Variants in AK9 observed in about 807,000 individuals in gnomAD.
The protein encoded by AK9 is adenylate kinase domain containing 1.
AK9 carries 191 observed loss-of-function variants against 239.6 expected under a neutral mutation model. The observed-to-expected ratio is 0.80, with a 90% CI of 0.71 to 0.90. The LOEUF (loss-of-function observed/expected upper bound fraction) is 0.90, where lower values mean the gene tolerates loss of function less well. Among genes scored for constraint, AK9 ranks in the 40% least tolerant of loss-of-function variants. The pLI, the probability that AK9 is intolerant of heterozygous loss-of-function variation, is 0.00. For synonymous variants in AK9, 689 were observed against 721.0 expected, an observed-to-expected ratio of 0.96 and a Z score of 0.71; for missense variants, 1,995 against 2,214.7, an observed-to-expected ratio of 0.90 and a Z score of 1.99.
rs79014749 is a variant in AK9 at position 109,660,684 on chromosome 6, G to A, written c.445-1271C>T. Among the ~76,000 whole-genome samples, 174 of 152,238 alleles carry A rather than the reference G, an allele frequency of 1.1e-3. 1 individual carries two copies. The highest frequency in any genetic ancestry group is 3.9e-3 in the African/African-American group (164 of 41,554). ...GGACTATCTCCTTCAGCTGTCTCCC[G>A]TTCTCATTTGCAGGAAATGACTAAT... On this transcript the variant is annotated intron_variant, in intron 6 of 40. Transcript: ENST00000424296.
chr6:109,555,460 T>C (rs765076843), intron 24 of AK9, among the ~76,000 whole-genome samples: 3 of 152,236 alleles, frequency 2.0e-5, no homozygotes, highest in African/African-American at 4.8e-5. Context: ...ATAAGTGCCA[T>C]GTGGCACTGA....
intron 32 of AK9, among the ~76,000 whole-genome samples, chr6:109,509,891 G>A (rs1420153655): frequency 6.6e-6 from 1 of 152,086 alleles, no homozygotes; most frequent in East Asian, 1.9e-4. Flanking sequence ...CTGCATCTCT[G>A]CAGCCTGCAT....
intron 26 of AK9, among the ~76,000 whole-genome samples, chr6:109,542,381 G>T (rs1408854417): frequency 6.6e-5 from 10 of 152,138 alleles, no homozygotes; most frequent in Non-Finnish European, 1.2e-4. Flanking sequence ...TAGATAGAAG[G>T]TGTAAGTTCT....
chr6:109,545,984 C>A lies in AK9; in HGVS notation c.3108G>T (p.Lys1036Asn). 2 of 1,614,192 alleles carry A rather than the reference C, an allele frequency of 1.2e-6. No homozygotes were observed. ...CTTCCTCAAATTCAGGTCCCACTTT[C>A]TTTTCAGTTTTGAGTAGTAGTTTTT... The part of the protein sequence containing the change: ...LQEKLLLKTE[K>N]KVGPEFEEDS... The change falls in exon 26 of 41, where the codon AAG becomes AAT. Residue 1036 changes from lysine (K) to asparagine (N), a missense_variant. Transcript: ENST00000424296.
At chr6:109,616,865 A>G (rs539331987) in intron 13 of AK9, among the ~76,000 whole-genome samples, 135 of 152,280 alleles carry the variant, frequency 8.9e-4, no homozygotes, top group Admixed American at 3.1e-3. Context: ...GGTTTAAACT[A>G]TACTTCTTTT....
At chr6:109,652,761 G>A (rs571353043) in intron 8 of AK9, among the ~76,000 whole-genome samples, 27 of 151,950 alleles carry the variant, frequency 1.8e-4, no homozygotes, top group Non-Finnish European at 3.5e-4. Flanking sequence ...CAGTTAACAC[G>A]ACTTCTCCCT....
At position 109,592,470 on chromosome 6, in the gene AK9, G is replaced by A. The variant is rs546340020; in HGVS notation, c.1843-6398C>T. ...TCTTTTTTTTTTTTTTTTTTGAGAC[G>A]GAGTCTCGCTCTTTCACCCAGGCTG... On this transcript the variant is annotated intron_variant, in intron 17 of 40. Transcript: ENST00000424296. Among the ~76,000 whole-genome samples, 16 of 137,540 alleles carry A rather than the reference G, an allele frequency of 1.2e-4. No homozygotes were observed. In the East Asian group the frequency reaches 1.3e-3, roughly 11 times the overall value. The allele number at this position is 137,540 out of a possible 152,430, so 90.2% of individuals were successfully genotyped here.
At chr6:109,531,841 C>T (rs778117655) in intron 28 of AK9, among the ~76,000 whole-genome samples, 5 of 152,190 alleles carry the variant, frequency 3.3e-5, no homozygotes, top group Non-Finnish European at 5.9e-5. Context: ...TATCTTCCCA[C>T]GTCTCCCTCC....
chr6:109,522,350 A>G (rs1182381243), intron 29 of AK9, among the ~76,000 whole-genome samples: 1 of 151,820 alleles, frequency 6.6e-6, no homozygotes, highest in Non-Finnish European at 1.5e-5. Flanking sequence ...TTCTTCTAAC[A>G]TTTCTTAGAA....
Position 109,522,407 on chromosome 6 carries a change from G to C in AK9, c.3634-5765C>G, listed in dbSNP as rs144598465. ...TTTCCATTGTTTGAAATGCATATTGGATGTTGACCTTCCTGGATTGACCTC... is the reference window on the plus strand; with the variant it reads ...TTTCCATTGTTTGAAATGCATATTGCATGTTGACCTTCCTGGATTGACCTC... On this transcript the variant is annotated intron_variant, in intron 29 of 40. Coordinates refer to ENST00000424296, the MANE Select transcript of AK9 (RefSeq NM_001145128.3). 5.9e-3 allele frequency among the ~76,000 whole-genome samples: 891 copies of C among 151,906 alleles called. 3 individuals carry two copies. Among genetic ancestry groups the C allele is most frequent in the Non-Finnish European group, 8.9e-3 (601 of 67,892 alleles).
At chr6:109,632,388 T>C in intron 12 of AK9, 12 of 878,768 alleles carry the variant, frequency 1.4e-5, no homozygotes, top group Non-Finnish European at 1.5e-5. Context: ...TTCAGCTTTG[T>C]CTTCAAATTA....
intron 17 of AK9, among the ~76,000 whole-genome samples, chr6:109,599,533 G>C (rs545585927): frequency 0.021 from 3,200 of 152,224 alleles, 100 homozygotes; most frequent in African/African-American, 0.074. Flanking sequence ...TGCTCCTTTG[G>C]CTTAGGATTG....
At position 109,506,737 on chromosome 6, in the gene AK9, G is replaced by A. The variant is rs1430869501; in HGVS notation, c.4545C>T (p.Ile1515=). Residue 1515 remains isoleucine (I), a synonymous_variant, in exon 34 of 41, where the codon ATC becomes ATT. Coordinates refer to ENST00000424296, the MANE Select transcript of AK9 (RefSeq NM_001145128.3). ...TCAATTCAAAGATGACCATGGGAAT[G>A]ATTGACCTAGCTTCCAAGAGATTCA... ...HQMNLLEARS[I]IPMVIFELSV... is the part of the protein sequence containing the mutation. 3 of 1,533,088 alleles carry A rather than the reference G, an allele frequency of 2.0e-6. No homozygotes were observed. The highest frequency in any genetic ancestry group is 1.2e-5 in the South Asian group (1 of 82,396). 95.0% of individuals were successfully genotyped at this position (1,533,088 alleles called of 1,614,324 possible). A position where few individuals can be genotyped will look rare whatever the true frequency, so the allele number is the denominator to read the frequency against.
chr6:109,543,967 A>AT (rs908665318), intron 26 of AK9, among the ~76,000 whole-genome samples: 7 of 151,816 alleles, frequency 4.6e-5, no homozygotes, highest in Admixed American at 4.6e-4. Context: ...AAAAATACAA[A>AT]AATTACCCTG....
intron 13 of AK9, among the ~76,000 whole-genome samples, chr6:109,615,937 T>C (rs1366189628): frequency 7.1e-6 from 1 of 140,874 alleles, no homozygotes; most frequent in East Asian, 2.2e-4. Flanking sequence ...GTAAAAAAAA[T>C]GTTATAAGAA....
In AK9 at chr6:109,493,454, T is replaced by C; in HGVS notation, c.5651A>G (p.Lys1884Arg). 2 of 1,614,192 alleles carry C rather than the reference T, an allele frequency of 1.2e-6. No homozygotes were observed. The highest frequency in any genetic ancestry group is 1.7e-6 in the Non-Finnish European group (2 of 1,180,028). Residue 1884 changes from lysine to arginine, a missense_variant, in exon 41 of 41, where the codon AAG (lysine) becomes AGG (arginine). Physicochemically the swap from Lys to Arg is conservative, Grantham distance 26 (BLOSUM62 2). Coordinates refer to ENST00000424296, the MANE Select transcript of AK9 (RefSeq NM_001145128.3). Reference protein sequence around the residue: ...YLGAKMTRKYKEPQFRAIDFD... With the variant: ...YLGAKMTRKYREPQFRAIDFD... ...GTCAATGGCTCTGAACTGAGGTTCC[T>C]TGTATTTTCTGGTCATCTTGGCACC...
At chr6:109,541,244 T>C (rs925498034) in intron 27 of AK9, among the ~76,000 whole-genome samples, 3 of 152,154 alleles carry the variant, frequency 2.0e-5, no homozygotes, top group African/African-American at 4.8e-5. Flanking sequence ...AGAAAGGCCT[T>C]AATAAAAAGG....
intron 8 of AK9, among the ~76,000 whole-genome samples, chr6:109,648,644 C>T (rs560772148): frequency 6.6e-6 from 1 of 152,140 alleles, no homozygotes; most frequent in Non-Finnish European, 1.5e-5. Flanking sequence ...GGATTCACAG[C>T]CAAATTCTAC....
chr6:109,660,600 T>C (rs1800290401), intron 6 of AK9, among the ~76,000 whole-genome samples: 1 of 152,170 alleles, frequency 6.6e-6, no homozygotes, highest in African/African-American at 2.4e-5. Flanking sequence ...CCTACACAGG[T>C]AATTTTTTAA....
Sources: allele counts gnomAD v4.1 joint callset (sites outside exome capture counted in the v4.1 genomes callset), GRCh38; gene constraint gnomAD v4.1.1; transcripts MANE v1.5; gene names NCBI Gene and HGNC (gene_info 2026-07-23, HGNC 2026-07-21).